The following SAMD12 variants were observed in gnomAD, a reference collection of about 807,000 sequenced individuals.
The protein encoded by SAMD12 is sterile alpha motif domain containing 12.
A neutral mutation model predicts 15.0 loss-of-function variants in SAMD12; 9 were observed. The observed-to-expected ratio is 0.60, with a 90% CI of 0.36 to 1.05. The LOEUF is 1.05. SAMD12 is among the 50% of genes least tolerant of loss of function. The pLI, the probability that SAMD12 is intolerant of heterozygous loss-of-function variation, is 0.01. For missense variants in SAMD12, 230 were observed against 234.2 expected (o/e 0.98, Z 0.12); for synonymous variants, 86 against 90.1 (o/e 0.96, Z 0.25).
At position 118,403,704 on chromosome 8, in the gene SAMD12, G is replaced by A. The variant is rs141303482; in HGVS notation, c.323-24004C>T. ...AATATCTGGAGAACATGACCTTACAGGGTCAACTTTAAAGAATGAGATTTG... is the reference window on the plus strand; with the variant it reads ...AATATCTGGAGAACATGACCTTACAAGGTCAACTTTAAAGAATGAGATTTG... On this transcript the variant is annotated intron_variant, in intron 3 of 3. Coordinates refer to ENST00000314727, the MANE Select transcript of SAMD12 (RefSeq NM_207506.3). 2.7e-3 allele frequency among the ~76,000 whole-genome samples: 406 copies of A among 152,218 alleles called. 2 individuals are homozygous for A. Among genetic ancestry groups the A allele is most frequent in the Non-Finnish European group, 4.5e-3 (304 of 68,002 alleles).
intron 1 of SAMD12, among the ~76,000 whole-genome samples, chr8:118,620,483 G>T (rs1233500840): frequency 6.8e-6 from 1 of 147,576 alleles, no homozygotes; most frequent in African/African-American, 2.5e-5. Flanking sequence ...AATCTTGATT[G>T]TAAGAGAGAG....
Position 118,226,861 on chromosome 8 carries a change from A to ATG in SAMD12, c.434-29131_434-29130dup, listed in dbSNP as rs367895323. ...GCTTGGAAGAACATGGTAGCTTTGGATGTGTGTGTGTAGAAAACTGAGGAA... is the reference window on the plus strand; with the variant it reads ...GCTTGGAAGAACATGGTAGCTTTGGATGTGTGTGTGTGTAGAAAACTGAGGAA... On this transcript the variant is annotated intron_variant, in intron 4 of 4. Coordinates refer to the SAMD12 transcript ENST00000409003. Among the ~76,000 whole-genome samples the ATG allele has an allele frequency of 1.3e-3, 196 of 152,164 alleles. 1 individual carries two copies. The highest frequency in any genetic ancestry group is 4.6e-3 in the African/African-American group (189 of 41,522).
At chr8:118,238,615 C>T (rs1387894421) in intron 4 of SAMD12, among the ~76,000 whole-genome samples, 1 of 152,140 alleles carries the variant, frequency 6.6e-6, no homozygotes, top group Non-Finnish European at 1.5e-5. Context: ...TTATATCATT[C>T]ATCTAGTCAA....
chr8:118,166,619 T>C, the SAMD12 span, among the ~76,000 whole-genome samples: 9 of 152,348 alleles, frequency 5.9e-5, no homozygotes, highest in South Asian at 1.4e-3. Flanking sequence ...TTGGGAATGA[T>C]GCACAAAGCT....
Position 118,297,317 on chromosome 8 carries a change from C to T in SAMD12, c.433+82243G>A, listed in dbSNP as rs117018387. ...TATGCAGTTGCTCTGCATTTTTGTC[C>T]CCAACTTGATGATATAACTGATCCT... On this transcript the variant is annotated intron_variant, in intron 4 of 4. Coordinates refer to the SAMD12 transcript ENST00000409003. 8.9e-3 allele frequency among the ~76,000 whole-genome samples: 1,346 copies of T among 152,052 alleles called. 5 individuals carry two copies. The highest frequency in any genetic ancestry group is 0.017 in the Middle Eastern group (5 of 294).
At chr8:118,277,440 C>T (rs547888772) in intron 4 of SAMD12, among the ~76,000 whole-genome samples, 77 of 152,134 alleles carry the variant, frequency 5.1e-4, no homozygotes, top group African/African-American at 1.8e-3. Context: ...TTTCTGTAAA[C>T]GTCTTGTTAT....
At chr8:118,528,593 T>C (rs1825598059) in intron 2 of SAMD12, among the ~76,000 whole-genome samples, 1 of 152,260 alleles carries the variant, frequency 6.6e-6, no homozygotes, top group African/African-American at 2.4e-5. Flanking sequence ...TTTGAATTCA[T>C]ATAGAGCAGA....
chr8:118,337,469 T>C (rs1187841889), intron 4 of SAMD12, among the ~76,000 whole-genome samples: 4 of 152,188 alleles, frequency 2.6e-5, no homozygotes, highest in African/African-American at 7.2e-5. Context: ...TGCCCCCTTA[T>C]CCACATTTTT....
At chr8:118,132,671 A>G in the SAMD12 span, among the ~76,000 whole-genome samples, 1 of 152,120 alleles carries the variant, frequency 6.6e-6, no homozygotes, top group African/African-American at 2.4e-5. Flanking sequence ...ATTCAAAGCC[A>G]CAGCAACACC....
At chr8:118,349,102 T>A (rs985784181) in intron 4 of SAMD12, among the ~76,000 whole-genome samples, 2 of 152,152 alleles carry the variant, frequency 1.3e-5, no homozygotes, top group African/African-American at 4.8e-5. Context: ...AAATCCCCTC[T>A]GAATCAAGAG....
chr8:118,349,837 A>G (rs907667559), intron 4 of SAMD12, among the ~76,000 whole-genome samples: 1 of 152,294 alleles, frequency 6.6e-6, no homozygotes, highest in Middle Eastern at 3.4e-3. Flanking sequence ...GATAATAACA[A>G]GAGCCACCTG....
At chr8:118,605,835 G>C in intron 1 of SAMD12, among the ~76,000 whole-genome samples, 1 of 116,492 alleles carries the variant, frequency 8.6e-6, no homozygotes, top group Non-Finnish European at 1.8e-5. Context: ...TATATATACT[G>C]ACCATCAACA....
chr8:118,500,616 G>T (rs1824756907), intron 2 of SAMD12, among the ~76,000 whole-genome samples: 1 of 151,908 alleles, frequency 6.6e-6, no homozygotes, highest in Non-Finnish European at 1.5e-5. Flanking sequence ...GGCCAGCCCG[G>T]TTACCATATT....
intron 3 of SAMD12, among the ~76,000 whole-genome samples, chr8:118,398,578 C>A (rs1221141562): frequency 6.6e-6 from 1 of 152,140 alleles, no homozygotes. Context: ...GAAAGAGAAT[C>A]TTTCCTTATC....
At chr8:118,196,811 C>T (rs991228668) in exon 5 of SAMD12, 1 of 151,916 alleles carries the variant, frequency 6.6e-6, no homozygotes, top group Non-Finnish European at 1.5e-5. Context: ...CTTGGAGGAA[C>T]TCCTCCCTTG....
intron 1 of SAMD12, 41 bp downstream of exon 1, chr8:118,621,763 G>C (rs1488107286): frequency 6.2e-7 from 1 of 1,611,120 alleles, no homozygotes; most frequent in East Asian, 2.2e-5. Context: ...TGGGGTGCGC[G>C]GGTTAAGAGG....
downstream of SAMD12, among the ~76,000 whole-genome samples, chr8:118,188,192 C>T (rs911330956): frequency 2.6e-5 from 4 of 151,702 alleles, no homozygotes; most frequent in Non-Finnish European, 5.9e-5. Context: ...AGGCAGAGGA[C>T]TAACAAAGGA....
intron 3 of SAMD12, among the ~76,000 whole-genome samples, chr8:118,391,884 T>C (rs1007953372): frequency 2.7e-5 from 4 of 150,838 alleles, no homozygotes; most frequent in Admixed American, 2.0e-4. Flanking sequence ...AATAATGTGA[T>C]AAAACTCTGT....
chr8:118,278,763 G>A (rs1813532945), intron 4 of SAMD12, among the ~76,000 whole-genome samples: 1 of 152,158 alleles, frequency 6.6e-6, no homozygotes, highest in Non-Finnish European at 1.5e-5. Context: ...ACTAAGTTGG[G>A]CAAGTTTTCT....
Sources: gnomAD v4.1 joint callset for allele counts (sites outside exome capture counted in the v4.1 genomes callset) on GRCh38, gnomAD v4.1.1 for gene constraint, MANE v1.5 for transcripts, NCBI Gene and HGNC (gene_info 2026-07-23, HGNC 2026-07-21) for gene names.